Variants in RAP1A observed in about 807,000 individuals in gnomAD.
RAP1A encodes ras-related protein Rap-1A.
Under a neutral mutation model 26.4 loss-of-function variants are expected in RAP1A, and 6 were observed. The ratio of observed to expected loss-of-function variants is 0.23; its 90% CI spans 0.12 to 0.45. The LOEUF is 0.45. RAP1A is among the 20% of genes least tolerant of loss of function. RAP1A has a pLI of 0.99. For synonymous variants in RAP1A, 73 were observed against 79.4 expected, an observed-to-expected ratio of 0.92 and a Z score of 0.43; for missense variants, 121 against 217.2, an observed-to-expected ratio of 0.56 and a Z score of 2.78.
Position 111,603,541 on chromosome 1 carries a change from G to A in RAP1A, c.-28+61032G>A, listed in dbSNP as rs190364066. Among the ~76,000 whole-genome samples, 293 of 152,266 alleles carry A rather than the reference G, an allele frequency of 1.9e-3. 1 individual carries two copies. Among genetic ancestry groups the A allele is most frequent in the African/African-American group, 6.9e-3 (288 of 41,542 alleles). On this transcript the variant is annotated intron_variant, in intron 1 of 7. Transcript: ENST00000356415. ...GAAGATTCAACAGAATGTTCCTTTA[G>A]CTTGTAAATTGAACTTTCATTTTTG...
intron 6 of RAP1A, among the ~76,000 whole-genome samples, 187 bp downstream of exon 6, chr1:111,704,673 G>A (rs1662129737): frequency 6.6e-6 from 1 of 152,136 alleles, no homozygotes; most frequent in Non-Finnish European, 1.5e-5. Context: ...ATGGCTGTAT[G>A]AGGATACTTA....
At chr1:111,569,106 A>G (rs115577613) in intron 1 of RAP1A, among the ~76,000 whole-genome samples, 1,661 of 152,260 alleles carry the variant, frequency 0.011, 29 homozygotes, top group African/African-American at 0.037. Context: ...GGGAAAGTCA[A>G]AAGTTACACT....
chr1:111,629,068 T>C (rs1291710312), intron 1 of RAP1A, among the ~76,000 whole-genome samples: 2 of 152,112 alleles, frequency 1.3e-5, no homozygotes, highest in African/African-American at 4.8e-5. Context: ...GAAATTCTTC[T>C]GCATGTGGTT....
chr1:111,584,321 G>A (rs184502437), intron 1 of RAP1A, among the ~76,000 whole-genome samples: 1 of 152,108 alleles, frequency 6.6e-6, no homozygotes, highest in African/African-American at 2.4e-5. Flanking sequence ...AACAAAATAC[G>A]TTACACTGGG....
At chr1:111,601,434 A>G (rs1041591358) in intron 1 of RAP1A, among the ~76,000 whole-genome samples, 1 of 152,256 alleles carries the variant, frequency 6.6e-6, no homozygotes, top group African/African-American at 2.4e-5. Flanking sequence ...AAGCTATGTA[A>G]TGACTAAGGA....
chr1:111,661,768 C>T (rs892010627), intron 1 of RAP1A, among the ~76,000 whole-genome samples: 1 of 149,062 alleles, frequency 6.7e-6, no homozygotes, highest in Admixed American at 6.7e-5. Flanking sequence ...CACTGCACTC[C>T]AGCCTGGGCG....
chr1:111,708,837 T>C (rs996546062), intron 6 of RAP1A, among the ~76,000 whole-genome samples: 3 of 147,312 alleles, frequency 2.0e-5, no homozygotes, highest in African/African-American at 8.0e-5. Context: ...CTGGGAAGAA[T>C]AGAACCGAAG....
At chr1:111,632,503 C>T (rs574706320) in intron 1 of RAP1A, among the ~76,000 whole-genome samples, 28 of 151,808 alleles carry the variant, frequency 1.8e-4, no homozygotes, top group Admixed American at 3.9e-4. Flanking sequence ...TGGAAGTTGA[C>T]GTGCTAGACT....
upstream of RAP1A, among the ~76,000 whole-genome samples, chr1:111,617,464 G>C (rs1164349410): frequency 6.6e-6 from 1 of 151,956 alleles, no homozygotes; most frequent in Non-Finnish European, 1.5e-5. Flanking sequence ...ACAGAGTCTC[G>C]CTCTGTTGCC....
intron 1 of RAP1A, among the ~76,000 whole-genome samples, chr1:111,623,661 A>G (rs2477423): frequency 0.87 from 131,898 of 152,170 alleles, 57,398 homozygotes; most frequent in African/African-American, 0.92. Context: ...CGCCCGCCTC[A>G]GCCTCCCAGA....
At chr1:111,685,681 G>C (rs112986879) in intron 1 of RAP1A, among the ~76,000 whole-genome samples, 7 of 152,210 alleles carry the variant, frequency 4.6e-5, no homozygotes, top group African/African-American at 1.7e-4. Context: ...TGGTAGGAGT[G>C]TAAATTAGTT....
intron 1 of RAP1A, among the ~76,000 whole-genome samples, chr1:111,676,531 G>T (rs868779038): frequency 6.6e-6 from 1 of 151,646 alleles, no homozygotes; most frequent in Non-Finnish European, 1.5e-5. Context: ...TCTCTTTCCC[G>T]CATTGAATTA....
chr1:111,681,666 G>GAATGTAC (rs1223983214), intron 1 of RAP1A, among the ~76,000 whole-genome samples: 2 of 152,210 alleles, frequency 1.3e-5, no homozygotes, highest in East Asian at 3.9e-4. Context: ...GAATGAAAAG[G>GAATGTAC]AATGTACAAA....
intron 1 of RAP1A, among the ~76,000 whole-genome samples, chr1:111,640,737 A>G (rs2101118194): frequency 6.6e-6 from 1 of 152,314 alleles, no homozygotes; most frequent in South Asian, 2.1e-4. Context: ...AGGTAGGAGG[A>G]TAGCTTGAGC....
chr1:111,591,685 G>A (rs904228530), intron 1 of RAP1A, among the ~76,000 whole-genome samples: 2 of 152,092 alleles, frequency 1.3e-5, no homozygotes, highest in African/African-American at 4.8e-5. Context: ...ATACTGACTT[G>A]TCTGGGCTGA....
intron 1 of RAP1A, among the ~76,000 whole-genome samples, chr1:111,625,484 A>T (rs561047255): frequency 6.6e-6 from 1 of 152,230 alleles, no homozygotes; most frequent in East Asian, 1.9e-4. Context: ...CAGATATGTC[A>T]GATGTGTAAT....
At chr1:111,631,844 T>TA (rs1571511326) in intron 1 of RAP1A, among the ~76,000 whole-genome samples, 1 of 152,234 alleles carries the variant, frequency 6.6e-6, no homozygotes, top group South Asian at 2.1e-4. Flanking sequence ...ACCAAACACT[T>TA]ACAAAGTATA....
In RAP1A at chr1:111,693,044, C is replaced by CAG. The variant is rs372801708; in HGVS notation, c.57+1630_57+1631dup. Among the ~76,000 whole-genome samples, 856 of 152,214 alleles carry CAG rather than the reference C, an allele frequency of 5.6e-3. 5 individuals are homozygous for CAG. The highest frequency in any genetic ancestry group is 0.019 in the African/African-American group (790 of 41,530). ...TAGGGAGATACTAGAGAGAGAAGAG[C>CAG]AGAGCCCAGGACTGAGCTCTGAGTA... is the stretch of plus-strand genomic sequence containing the variant. On this transcript the variant is annotated intron_variant, in intron 2 of 7. Coordinates refer to ENST00000369709, the MANE Select transcript of RAP1A (RefSeq NM_002884.4).
chr1:111,571,277 C>A (rs908910193), intron 1 of RAP1A, among the ~76,000 whole-genome samples: 7 of 152,232 alleles, frequency 4.6e-5, no homozygotes, highest in African/African-American at 1.7e-4. Context: ...TGTCCAGGTG[C>A]ACCCTGTCCC....
Sources: allele counts gnomAD v4.1 joint callset (sites outside exome capture counted in the v4.1 genomes callset), GRCh38; gene constraint gnomAD v4.1.1; transcripts MANE v1.5; gene names NCBI Gene and HGNC (gene_info 2026-07-23, HGNC 2026-07-21).